The following TMEM170B variants were observed in gnomAD, a reference collection of about 807,000 sequenced individuals.
TMEM170B encodes the protein transmembrane protein 170B.
A neutral mutation model predicts 13.0 loss-of-function variants in TMEM170B; 6 were observed. That is an observed-to-expected ratio of 0.46 (90% CI 0.25 to 0.91). TMEM170B has a LOEUF of 0.91. Ranked by LOEUF, TMEM170B falls within the 40% of genes least tolerant of loss-of-function variation. TMEM170B has a pLI of 0.17. For synonymous variants in TMEM170B, 61 were observed against 64.9 expected (o/e 0.94, Z 0.29); for missense variants, 138 against 165.2 (o/e 0.84, Z 0.90).
At chr6:11,543,860 A>G (rs895784119) in intron 1 of TMEM170B, among the ~76,000 whole-genome samples, 3 of 152,208 alleles carry the variant, frequency 2.0e-5, no homozygotes, top group African/African-American at 7.2e-5. Context: ...TTATCCCAAT[A>G]GGTGAAGTGG....
chr6:11,549,064 A>C (rs999183773), intron 1 of TMEM170B, among the ~76,000 whole-genome samples: 1 of 152,182 alleles, frequency 6.6e-6, no homozygotes, highest in African/African-American at 2.4e-5. Context: ...CCTAGAACTT[A>C]AAGTATAATA....
Position 11,538,235 on chromosome 6 carries a change from G to GCCT in TMEM170B, c.-41_-40insTCC, listed in dbSNP as rs752469384. On this transcript the variant is annotated 5_prime_UTR_variant, in exon 1 of 3. Transcript: ENST00000379426. ...CCCGAGCCTCGCAGCCGCCGCCGCCGCCCGGCACCCGAGGAGAGGGCGGCG... is the reference window on the plus strand; with the variant it reads ...CCCGAGCCTCGCAGCCGCCGCCGCCGCCTCCCGGCACCCGAGGAGAGGGCGGCG... 1.7e-6 allele frequency: 2 copies of GCCT among 1,153,996 alleles called. No individual in the cohort carries two copies. The highest frequency in any genetic ancestry group is 7.0e-5 in the South Asian group (2 of 28,756). The allele number at this position is 1,153,996 out of a possible 1,614,324, so 71.5% of individuals were successfully genotyped here. A position where few individuals can be genotyped will look rare whatever the true frequency, so the allele number is the denominator to read the frequency against.
rs1239144691 is a variant in TMEM170B at position 11,583,369 on chromosome 6, A to T, written c.*7808A>T. On this transcript the variant is annotated 3_prime_UTR_variant, in exon 3 of 3. Transcript: ENST00000379426. ...TATACAGGGTGAACTCTTTACTGATACACACAAGACAACTGTTAAAAAGTG... is the reference window on the plus strand; with the variant it reads ...TATACAGGGTGAACTCTTTACTGATTCACACAAGACAACTGTTAAAAAGTG... 1.3e-5 allele frequency: 2 copies of T among 152,194 alleles called. No individual in the cohort carries two copies. Among genetic ancestry groups the T allele is most frequent in the Non-Finnish European group, 2.9e-5 (2 of 68,028 alleles). 9.4% of individuals were successfully genotyped at this position (152,194 alleles called of 1,614,324 possible). A position where few individuals can be genotyped will look rare whatever the true frequency, so the allele number is the denominator to read the frequency against.
chr6:11,553,155 C>T (rs1240686969), intron 1 of TMEM170B, among the ~76,000 whole-genome samples: 4 of 152,038 alleles, frequency 2.6e-5, no homozygotes, highest in Non-Finnish European at 5.9e-5. Context: ...CCTGCAGTGG[C>T]CCTGCAGAAC....
intron 1 of TMEM170B, among the ~76,000 whole-genome samples, chr6:11,543,559 C>T (rs1013264175): frequency 2.6e-5 from 4 of 152,110 alleles, no homozygotes; most frequent in Non-Finnish European, 5.9e-5. Context: ...TTGCTTAGAT[C>T]TGATAGCTAA....
chr6:11,551,615 G>A (rs756036411), intron 1 of TMEM170B, among the ~76,000 whole-genome samples: 3 of 152,226 alleles, frequency 2.0e-5, no homozygotes, highest in Non-Finnish European at 4.4e-5. Context: ...TTGATTATAA[G>A]TTATGTGCCA....
chr6:11,544,743 G>A (rs1445985757), intron 1 of TMEM170B, among the ~76,000 whole-genome samples: 2 of 152,146 alleles, frequency 1.3e-5, no homozygotes, highest in African/African-American at 2.4e-5. Flanking sequence ...ACTTCTTTAA[G>A]TGTGTTTTTC....
At chr6:11,549,992 T>G (rs529391174) in intron 1 of TMEM170B, among the ~76,000 whole-genome samples, 4 of 152,192 alleles carry the variant, frequency 2.6e-5, no homozygotes. Flanking sequence ...TACTTACATG[T>G]ACATCAATTT....
chr6:11,558,837 A>G (rs1759622880), intron 1 of TMEM170B, among the ~76,000 whole-genome samples: 1 of 152,228 alleles, frequency 6.6e-6, no homozygotes, highest in Admixed American at 6.5e-5. Context: ...TGAACACTCA[A>G]AGTGCCAACT....
At chr6:11,556,620 A>G (rs1414603016) in intron 1 of TMEM170B, among the ~76,000 whole-genome samples, 1 of 152,114 alleles carries the variant, frequency 6.6e-6, no homozygotes, top group Non-Finnish European at 1.5e-5. Context: ...CATGGTGGCC[A>G]AACTCTTCTT....
At chr6:11,540,577 T>A (rs1231233507) in intron 1 of TMEM170B, among the ~76,000 whole-genome samples, 1 of 152,214 alleles carries the variant, frequency 6.6e-6, no homozygotes, top group African/African-American at 2.4e-5. Flanking sequence ...GGTTACTTCC[T>A]CCACTAAAGT....
At chr6:11,569,595 C>A (rs958149627) in intron 2 of TMEM170B, among the ~76,000 whole-genome samples, 1 of 152,158 alleles carries the variant, frequency 6.6e-6, no homozygotes, top group Non-Finnish European at 1.5e-5. Context: ...AATGAATGCT[C>A]ATGGCCTGTT....
chr6:11,580,897 G>C lies in TMEM170B; in HGVS notation c.*5336G>C, dbSNP rs932112525. On this transcript the variant is annotated 3_prime_UTR_variant, in exon 3 of 3. Transcript: ENST00000379426. ...GGCTTCACTGACCACCGTGCATTTT[G>C]AAATTGTATTGCATTTTGTGTGTGT... The C allele has an allele frequency of 4.6e-5, 7 of 152,192 alleles. No individual in the cohort carries two copies. Among genetic ancestry groups the C allele is most frequent in the African/African-American group, 1.7e-4 (7 of 41,432 alleles). The allele number at this position is 152,192 out of a possible 1,614,324, so 9.4% of individuals were successfully genotyped here.
chr6:11,556,671 G>A (rs937437957), intron 1 of TMEM170B, among the ~76,000 whole-genome samples: 3 of 151,942 alleles, frequency 2.0e-5, no homozygotes, highest in African/African-American at 4.8e-5. Context: ...TCCTTCCATC[G>A]GCAGTAACAG....
At chr6:11,560,823 T>C (rs1048648412) in intron 1 of TMEM170B, among the ~76,000 whole-genome samples, 3 of 152,252 alleles carry the variant, frequency 2.0e-5, no homozygotes, top group African/African-American at 7.2e-5. Flanking sequence ...GTACCATTCT[T>C]TGACTTGTTT....
intron 1 of TMEM170B, among the ~76,000 whole-genome samples, chr6:11,562,342 G>T (rs1402766249): frequency 2.7e-5 from 4 of 150,918 alleles, no homozygotes. Context: ...TTCCCTGAAT[G>T]CTGGAAGAGA....
At chr6:11,562,516 G>A (rs1759680871) in intron 1 of TMEM170B, among the ~76,000 whole-genome samples, 1 of 151,540 alleles carries the variant, frequency 6.6e-6, no homozygotes, top group African/African-American at 2.4e-5. Flanking sequence ...CTACGTGCCA[G>A]TTCTTAAGAA....
intron 1 of TMEM170B, among the ~76,000 whole-genome samples, chr6:11,551,413 T>C (rs938006610): frequency 2.0e-5 from 3 of 152,110 alleles, no homozygotes; most frequent in African/African-American, 7.2e-5. Context: ...GGATGCTGGC[T>C]AAGACAGTCT....
intron 1 of TMEM170B, among the ~76,000 whole-genome samples, chr6:11,550,209 G>A (rs903325346): frequency 7.0e-6 from 1 of 142,872 alleles, no homozygotes; most frequent in East Asian, 2.0e-4. Flanking sequence ...GTCTCACTTT[G>A]TCACCCAGGC....
Sources: gnomAD v4.1 joint callset for allele counts (sites outside exome capture counted in the v4.1 genomes callset) on GRCh38, gnomAD v4.1.1 for gene constraint, MANE v1.5 for transcripts, NCBI Gene and HGNC (gene_info 2026-07-23, HGNC 2026-07-21) for gene names.